CHRM3: variants seen among roughly 807,000 people sequenced by gnomAD.
CHRM3 encodes the protein muscarinic acetylcholine receptor M3.
In CHRM3, 11 loss-of-function variants were observed where a neutral mutation model predicts 41.8. The ratio of observed to expected loss-of-function variants is 0.26; its 90% CI spans 0.17 to 0.44. The LOEUF is 0.44. Among genes scored for constraint, CHRM3 ranks in the 20% least tolerant of loss-of-function variants. The probability of loss-of-function intolerance (pLI) is 1.00; values close to 1 mark genes in which losing one functional copy is unlikely to be tolerated. For missense variants in CHRM3, 571 were observed against 745.4 expected (o/e 0.77, Z 2.72); for synonymous variants, 297 against 301.4 (o/e 0.99, Z 0.15).
intron 1 of CHRM3, among the ~76,000 whole-genome samples, chr1:239,461,537 T>C (rs1306435620): frequency 6.6e-6 from 1 of 152,180 alleles, no homozygotes; most frequent in African/African-American, 2.4e-5. Context: ...CCTTCTGTTA[T>C]GTGTATGTTT....
chr1:239,638,485 G>A (rs1486012058), intron 4 of CHRM3, among the ~76,000 whole-genome samples: 1 of 152,100 alleles, frequency 6.6e-6, no homozygotes, highest in Non-Finnish European at 1.5e-5. Flanking sequence ...TCTCATTGTG[G>A]TTTTGATTTG....
At chr1:239,629,756 A>T (rs1669594366) in intron 3 of CHRM3, among the ~76,000 whole-genome samples, 1 of 152,336 alleles carries the variant, frequency 6.6e-6, no homozygotes, top group Middle Eastern at 3.4e-3. Context: ...GACATCATAA[A>T]TCAGAGTAAT....
intron 1 of CHRM3, among the ~76,000 whole-genome samples, chr1:239,428,913 T>C (rs1380380719): frequency 2.0e-5 from 3 of 152,224 alleles, no homozygotes; most frequent in African/African-American, 4.8e-5. Flanking sequence ...TTTTAGTGGC[T>C]GAATAAGAGC....
intron 1 of CHRM3, among the ~76,000 whole-genome samples, chr1:239,457,081 A>G (rs1024399467): frequency 6.6e-6 from 1 of 152,168 alleles, no homozygotes; most frequent in African/African-American, 2.4e-5. Context: ...CCTCAGCCAG[A>G]TGCATCTTTG....
At chr1:239,835,423 C>T (rs115177855) in intron 6 of CHRM3, among the ~76,000 whole-genome samples, 2,224 of 152,026 alleles carry the variant, frequency 0.015, 43 homozygotes, top group African/African-American at 0.045. Context: ...ACAAGTGCAA[C>T]GCAAATTGGG....
At chr1:239,706,669 C>A (rs1661205742) in intron 5 of CHRM3, among the ~76,000 whole-genome samples, 1 of 149,764 alleles carries the variant, frequency 6.7e-6, no homozygotes, top group African/African-American at 2.5e-5. Flanking sequence ...CACACACTTG[C>A]ATGTACACAC....
intron 5 of CHRM3, among the ~76,000 whole-genome samples, chr1:239,779,593 G>C (rs140405360): frequency 6.6e-6 from 1 of 152,178 alleles, no homozygotes; most frequent in Admixed American, 6.5e-5. Context: ...AAATTAGCCA[G>C]GCATGGTGGC....
intron 5 of CHRM3, among the ~76,000 whole-genome samples, chr1:239,698,002 G>A (rs545065437): frequency 7.9e-5 from 12 of 152,306 alleles, no homozygotes; most frequent in Non-Finnish European, 1.6e-4. Context: ...AGAAAAGTAA[G>A]GGTGGAAAGG....
intron 3 of CHRM3, among the ~76,000 whole-genome samples, chr1:239,571,477 T>G (rs755413588): frequency 6.6e-6 from 1 of 152,162 alleles, no homozygotes; most frequent in Admixed American, 6.5e-5. Flanking sequence ...GATTGTTTAG[T>G]GTAGAGCAGT....
At chr1:239,672,222 G>A (rs756575780) in intron 4 of CHRM3, among the ~76,000 whole-genome samples, 5 of 152,106 alleles carry the variant, frequency 3.3e-5, no homozygotes, top group Non-Finnish European at 7.4e-5. Context: ...AATGAGGACG[G>A]GATGCCATCA....
At chr1:239,768,754 G>C (rs556326736) in intron 5 of CHRM3, among the ~76,000 whole-genome samples, 7 of 137,518 alleles carry the variant, frequency 5.1e-5, no homozygotes, top group South Asian at 2.3e-4. Flanking sequence ...CTAGGAGCCA[G>C]AGTTAAATGA....
intron 1 of CHRM3, among the ~76,000 whole-genome samples, chr1:239,420,208 C>A (rs1039415435): frequency 1.3e-5 from 2 of 152,188 alleles, no homozygotes; most frequent in African/African-American, 4.8e-5. Context: ...TCTTTACTTA[C>A]TTCTGTCTTC....
At chr1:239,486,631 G>A (rs142925218) in intron 1 of CHRM3, among the ~76,000 whole-genome samples, 1,539 of 152,216 alleles carry the variant, frequency 0.01, 15 homozygotes, top group Middle Eastern at 0.041. Flanking sequence ...AGCCAAACCA[G>A]GTAAATGAAA....
At position 239,790,976 on chromosome 1, in the gene CHRM3, A is replaced by G. The variant is rs185668397; in HGVS notation, c.-146-36276A>G. ...TTCACAGAAAAACAAGAGAGATTTT[A>G]TTTTGTTTTTTGTTTTTTTCTGGTA... On this transcript the variant is annotated intron_variant, in intron 5 of 6. Coordinates refer to ENST00000676153, the MANE Select transcript of CHRM3 (RefSeq NM_001375978.1). Among the ~76,000 whole-genome samples, 673 of 149,198 alleles carry G rather than the reference A, an allele frequency of 4.5e-3. 5 individuals are homozygous for G. Among genetic ancestry groups the G allele is most frequent in the Non-Finnish European group, 6.9e-3 (468 of 67,480 alleles).
At chr1:239,827,714 G>T (rs1034254763) in intron 6 of CHRM3, among the ~76,000 whole-genome samples, 1 of 151,966 alleles carries the variant, frequency 6.6e-6, no homozygotes, top group Non-Finnish European at 1.5e-5. Flanking sequence ...ATTTTACTAT[G>T]CACAGATAAT....
At position 239,813,925 on chromosome 1, in the gene CHRM3, A is replaced by AAAAAAAAAAAAAAAC. The variant is rs1553274107; in HGVS notation, c.-146-13318_-146-13317insAAAAACAAAAAAAAA. ...GAGCGAGACTCCGTCTCAAAAAAAA[A>AAAAAAAAAAAAAAAC]AAAAAAAAACTCACAGTTGTAGACT... is the stretch of plus-strand genomic sequence containing the variant. On this transcript the variant is annotated intron_variant, in intron 5 of 6. Transcript: ENST00000676153. Among the ~76,000 whole-genome samples, 161 of 146,434 alleles carry AAAAAAAAAAAAAAAC rather than the reference A, an allele frequency of 1.1e-3. 2 individuals are homozygous for AAAAAAAAAAAAAAAC. The highest frequency in any genetic ancestry group is 4.1e-3 in the African/African-American group (150 of 36,706).
intron 3 of CHRM3, among the ~76,000 whole-genome samples, chr1:239,604,987 C>T (rs890871777): frequency 6.6e-6 from 1 of 152,288 alleles, no homozygotes; most frequent in African/African-American, 2.4e-5. Context: ...CTACAACTTT[C>T]ATGGGTTCCT....
At chr1:239,389,306 G>T (rs1435106564) in intron 1 of CHRM3, among the ~76,000 whole-genome samples, 1 of 152,108 alleles carries the variant, frequency 6.6e-6, no homozygotes, top group Non-Finnish European at 1.5e-5. Context: ...AGGAAAGTTT[G>T]CTTTAAAATT....
intron 4 of CHRM3, among the ~76,000 whole-genome samples, chr1:239,667,265 A>C (rs1673901559): frequency 6.6e-6 from 1 of 152,102 alleles, no homozygotes; most frequent in Non-Finnish European, 1.5e-5. Flanking sequence ...GCACAGACAC[A>C]TTCCTTTTTC....
Sources: gnomAD v4.1 joint callset for allele counts (sites outside exome capture counted in the v4.1 genomes callset) on GRCh38, gnomAD v4.1.1 for gene constraint, MANE v1.5 for transcripts, NCBI Gene and HGNC (gene_info 2026-07-23, HGNC 2026-07-21) for gene names.